The following L3MBTL4 variants were observed in gnomAD, a reference collection of about 807,000 sequenced individuals.
The protein encoded by L3MBTL4 is lethal(3)malignant brain tumor-like protein 4.
Under a neutral mutation model 84.5 loss-of-function variants are expected in L3MBTL4, and 70 were observed. The observed-to-expected ratio is 0.83, with a 90% CI of 0.68 to 1.01. The LOEUF is 1.01. Among genes scored for constraint, L3MBTL4 ranks in the 50% least tolerant of loss-of-function variants. The probability of loss-of-function intolerance (pLI) is 0.00; values close to 1 mark genes in which losing one functional copy is unlikely to be tolerated. For missense variants in L3MBTL4, 715 were observed against 754.8 expected (o/e 0.95, Z 0.62); for synonymous variants, 274 against 259.8 (o/e 1.05, Z -0.52).
At chr18:6,298,212 C>T (rs150798764) in intron 4 of L3MBTL4, among the ~76,000 whole-genome samples, 30 of 152,066 alleles carry the variant, frequency 2.0e-4, no homozygotes, top group African/African-American at 7.0e-4. Flanking sequence ...TTTAAATTGT[C>T]GTTAATTTGG....
intron 5 of L3MBTL4, among the ~76,000 whole-genome samples, chr18:6,245,084 AG>A (rs1408635864): frequency 6.6e-6 from 1 of 152,096 alleles, no homozygotes; most frequent in Admixed American, 6.5e-5. Context: ...CAGTTTTAGT[AG>A]AGACGGGGTT....
chr18:5,972,675 T>C (rs1228092754), intron 16 of L3MBTL4, among the ~76,000 whole-genome samples: 3 of 152,040 alleles, frequency 2.0e-5, no homozygotes, highest in African/African-American at 7.2e-5. Flanking sequence ...CAGCTGATGA[T>C]TTTGGGGCGG....
chr18:6,374,729 C>T (rs2054295930), intron 1 of L3MBTL4, among the ~76,000 whole-genome samples: 2 of 152,096 alleles, frequency 1.3e-5, no homozygotes, highest in African/African-American at 4.8e-5. Flanking sequence ...ACCAGTCACG[C>T]CCCGCCTCTC....
At chr18:6,051,056 G>A (rs1756863016) in intron 16 of L3MBTL4, among the ~76,000 whole-genome samples, 1 of 152,126 alleles carries the variant, frequency 6.6e-6, no homozygotes, top group African/African-American at 2.4e-5. Flanking sequence ...CCTGAGGGAG[G>A]CACATCCCGC....
rs1242522776 is a variant in L3MBTL4, at chr18:6,414,467, G to C, written c.-91+334C>G. ...GGCTGCGCTGGCTCCAGGGCGCCCA[G>C]GTAGCCGCGCCTGGCACCCCGACCC... On this transcript the variant is annotated intron_variant, in intron 1 of 18. Transcript: ENST00000317931. This position sits in a 1 kb window ranked among gnomAD's most constrained non-coding sequence, Gnocchi z 5.4. Among the ~76,000 whole-genome samples, 1 of 152,132 alleles carries C rather than the reference G, an allele frequency of 6.6e-6. No homozygotes were observed. Among genetic ancestry groups the C allele is most frequent in the Non-Finnish European group, 1.5e-5 (1 of 68,000 alleles).
chr18:6,030,305 T>G (rs749107629), intron 16 of L3MBTL4: 1 of 985,280 alleles, frequency 1.0e-6, no homozygotes, highest in African/African-American at 1.7e-5. Context: ...ATCAATAATA[T>G]GCTTTTAAGC....
intron 15 of L3MBTL4, among the ~76,000 whole-genome samples, chr18:6,084,218 C>T (rs576354021): frequency 6.6e-6 from 1 of 152,272 alleles, no homozygotes; most frequent in African/African-American, 2.4e-5. Flanking sequence ...TAAGTCGAAT[C>T]CTGCCCATTG....
At position 6,038,208 on chromosome 18, in the gene L3MBTL4, C is replaced by T. The variant is rs188778526; in HGVS notation, c.1444+42673G>A. Among the ~76,000 whole-genome samples, 118 of 147,714 alleles carry T rather than the reference C, an allele frequency of 8.0e-4. 1 individual carries two copies. The highest frequency in any genetic ancestry group is 2.5e-3 in the African/African-American group (100 of 40,578). ...CTTAGACATATTTTTAACAGAGATACCAGAAAAAAATTCTAGAGGATACTA... is the reference window on the plus strand; with the variant it reads ...CTTAGACATATTTTTAACAGAGATATCAGAAAAAAATTCTAGAGGATACTA... On this transcript the variant is annotated intron_variant, in intron 16 of 18. Transcript: ENST00000317931.
At chr18:6,403,456 A>G (rs984505431) in intron 1 of L3MBTL4, among the ~76,000 whole-genome samples, 5 of 152,220 alleles carry the variant, frequency 3.3e-5, no homozygotes, top group African/African-American at 9.6e-5. Flanking sequence ...ATAACCTATT[A>G]TATTGGATAC....
At chr18:6,118,157 C>T (rs2462046) in intron 14 of L3MBTL4, among the ~76,000 whole-genome samples, 1 of 132,736 alleles carries the variant, frequency 7.5e-6, no homozygotes, top group African/African-American at 2.8e-5. Context: ...GTATTTGAAA[C>T]TGCATGCAAA....
At chr18:6,359,805 T>C (rs1181753704) in intron 1 of L3MBTL4, among the ~76,000 whole-genome samples, 1 of 152,028 alleles carries the variant, frequency 6.6e-6, no homozygotes, top group Non-Finnish European at 1.5e-5. Context: ...TGAAAGAGAC[T>C]GTACATTCTC....
Position 6,399,853 on chromosome 18 carries a change from G to A in L3MBTL4, c.-91+14948C>T, listed in dbSNP as rs886554378. 5.9e-5 allele frequency: 9 copies of A among 152,160 alleles called. No individual in the cohort carries two copies. In the South Asian group the frequency reaches 6.2e-4, roughly 11 times the overall value. 9.4% of individuals were successfully genotyped at this position (152,160 alleles called of 1,614,324 possible). A position where few individuals can be genotyped will look rare whatever the true frequency, so the allele number is the denominator to read the frequency against. ...AGAAATTCTGAGTTTTTGATTACCT[G>A]AAAAACACAATGGTTTTAGTCAATT... On this transcript the variant is annotated intron_variant, in intron 1 of 18. Transcript: ENST00000317931.
chr18:5,996,579 T>C (rs2053982805), intron 16 of L3MBTL4, among the ~76,000 whole-genome samples: 1 of 152,194 alleles, frequency 6.6e-6, no homozygotes, highest in African/African-American at 2.4e-5. Flanking sequence ...TCAGTGTGCT[T>C]GCTCTCTCCA....
intron 16 of L3MBTL4, among the ~76,000 whole-genome samples, chr18:6,013,544 C>A (rs969280988): frequency 1.3e-5 from 2 of 152,246 alleles, no homozygotes; most frequent in Non-Finnish European, 1.5e-5. Context: ...TCTGCTCATA[C>A]CCTTGGCAGC....
intron 16 of L3MBTL4, among the ~76,000 whole-genome samples, chr18:6,075,279 A>G (rs894367440): frequency 1.3e-5 from 2 of 152,186 alleles, no homozygotes; most frequent in African/African-American, 2.4e-5. Context: ...ATCAGAATTT[A>G]TCATATAAAG....
chr18:6,404,072 A>G (rs2055619753), intron 1 of L3MBTL4, among the ~76,000 whole-genome samples: 2 of 151,106 alleles, frequency 1.3e-5, no homozygotes, highest in African/African-American at 4.9e-5. Flanking sequence ...TAAGAATGAT[A>G]CAATGGACTT....
intron 17 of L3MBTL4, among the ~76,000 whole-genome samples, chr18:5,966,575 A>T (rs188057333): frequency 2.0e-5 from 3 of 152,260 alleles, no homozygotes. Flanking sequence ...GCACCTTGGT[A>T]ACCTCTGCCT....
intron 5 of L3MBTL4, among the ~76,000 whole-genome samples, chr18:6,246,835 C>T (rs1057398180): frequency 2.0e-5 from 3 of 151,966 alleles, no homozygotes; most frequent in African/African-American, 4.8e-5. Flanking sequence ...ACCCAAGAGA[C>T]GGAGGTTGCG....
At chr18:6,097,486 T>C (rs12457649) in intron 14 of L3MBTL4, among the ~76,000 whole-genome samples, 95,830 of 152,092 alleles carry the variant, frequency 0.63, 32,939 homozygotes, top group African/African-American at 0.91. Flanking sequence ...ATTTTGGGTG[T>C]GGTCCAGGAG....
Sources: allele counts gnomAD v4.1 joint callset (sites outside exome capture counted in the v4.1 genomes callset), GRCh38; gene constraint gnomAD v4.1.1; non-coding constraint Gnocchi (gnomAD v3.1); transcripts MANE v1.5; gene names NCBI Gene and HGNC (gene_info 2026-07-23, HGNC 2026-07-21).